Variants in ALK observed in about 807,000 individuals in gnomAD.
The protein encoded by ALK is ALK tyrosine kinase receptor.
A neutral mutation model predicts 163.1 loss-of-function variants in ALK; 74 were observed. The observed-to-expected ratio is 0.45, with a 90% confidence interval of 0.38 to 0.55. ALK has a LOEUF of 0.55. Among genes scored for constraint, ALK ranks in the 20% least tolerant of loss-of-function variants. The probability of loss-of-function intolerance (pLI) is 0.00; values close to 1 mark genes in which losing one functional copy is unlikely to be tolerated. For missense variants in ALK, 2,063 were observed against 2,105.3 expected (o/e 0.98, Z 0.39); for synonymous variants, 960 against 843.2 (o/e 1.14, Z -2.40).
intron 1 of ALK, among the ~76,000 whole-genome samples, chr2:29,721,027 C>T (rs1042134936): frequency 4.6e-5 from 7 of 152,070 alleles, no homozygotes; most frequent in Non-Finnish European, 1.0e-4. Context: ...CTTCTAGGTG[C>T]CCAAGTGAGG....
chr2:29,915,424 T>G (rs1470552001), intron 1 of ALK, among the ~76,000 whole-genome samples: 4 of 152,152 alleles, frequency 2.6e-5, no homozygotes, highest in African/African-American at 9.7e-5. Flanking sequence ...TTCACCATGT[T>G]GGCCAGGCTG....
chr2:29,592,178 C>G (rs1675080580), intron 3 of ALK, among the ~76,000 whole-genome samples: 1 of 152,134 alleles, frequency 6.6e-6, no homozygotes. Flanking sequence ...CCCAGAGCAC[C>G]TTTCTGCTCC....
chr2:29,367,538 G>T (rs1465166680), intron 5 of ALK, among the ~76,000 whole-genome samples: 1 of 152,200 alleles, frequency 6.6e-6, no homozygotes, highest in Non-Finnish European at 1.5e-5. Context: ...ACCCCAGGGG[G>T]CAAGAGAGGT....
intron 2 of ALK, among the ~76,000 whole-genome samples, chr2:29,703,875 T>A (rs1678819329): frequency 6.6e-6 from 1 of 152,156 alleles, no homozygotes; most frequent in African/African-American, 2.4e-5. Flanking sequence ...ACGCCACTGA[T>A]TAATGAGTCC....
intron 3 of ALK, among the ~76,000 whole-genome samples, chr2:29,619,454 C>T (rs1675964189): frequency 6.6e-6 from 1 of 152,222 alleles, no homozygotes; most frequent in African/African-American, 2.4e-5. Context: ...GAGCTCTCCT[C>T]TCCCTTCTCC....
At chr2:29,874,892 A>G (rs1217503948) in intron 1 of ALK, among the ~76,000 whole-genome samples, 1 of 152,102 alleles carries the variant, frequency 6.6e-6, no homozygotes, top group Non-Finnish European at 1.5e-5. Context: ...CCCTACCTGT[A>G]CTCAGCTCTT....
At chr2:29,263,387 A>G (rs1324133465) in intron 11 of ALK, among the ~76,000 whole-genome samples, 3 of 152,172 alleles carry the variant, frequency 2.0e-5, no homozygotes, top group Non-Finnish European at 4.4e-5. Flanking sequence ...TGAAATCTCT[A>G]CAAGGCCCTT....
At chr2:29,215,671 T>C (rs1669584255) in intron 23 of ALK, among the ~76,000 whole-genome samples, 1 of 139,228 alleles carries the variant, frequency 7.2e-6, no homozygotes, top group Non-Finnish European at 1.6e-5. Flanking sequence ...GGAGTTAAAA[T>C]GGAAGAGAGA....
At chr2:29,371,490 T>G (rs868187769) in intron 5 of ALK, among the ~76,000 whole-genome samples, 1 of 152,182 alleles carries the variant, frequency 6.6e-6, no homozygotes, top group African/African-American at 2.4e-5. Context: ...CTCCAGGATC[T>G]TCAGCTAAAG....
chr2:29,694,777 C>A (rs1678502242), intron 3 of ALK, 73 bp downstream of exon 3: 3 of 1,575,644 alleles, frequency 1.9e-6, no homozygotes, highest in Non-Finnish European at 2.6e-6. Flanking sequence ...GAAGTCTCAT[C>A]ATTTCAAACA....
At chr2:29,251,340 C>T (rs1664812035) in intron 11 of ALK, 73 bp from the exon 12 acceptor site, 2 of 1,492,848 alleles carry the variant, frequency 1.3e-6, no homozygotes, top group Non-Finnish European at 1.8e-6. Context: ...CCTGGGTGGC[C>T]TCTGAGATAT....
intron 1 of ALK, among the ~76,000 whole-genome samples, chr2:29,902,746 T>C (rs116718325): frequency 0.029 from 4,457 of 152,326 alleles, 115 homozygotes; most frequent in Non-Finnish European, 0.044. Flanking sequence ...TCTTTCATCC[T>C]GACTATTCCA....
rs575802408 is a variant in ALK, at chr2:29,410,125, C to A, written c.1155-26266G>T. 1.4e-4 allele frequency among the ~76,000 whole-genome samples: 22 copies of A among 152,210 alleles called. No individual in the cohort carries two copies. In the South Asian group the frequency reaches 3.3e-3, roughly 23 times the overall value. ...TTAGGTGATTTTGTCGTCATGGGAA[C>A]CTCATAGAGTGTACTTACACAAACC... On this transcript the variant is annotated intron_variant, in intron 4 of 28. Transcript: ENST00000389048.
At chr2:29,613,007 G>A (rs752661785) in intron 3 of ALK, among the ~76,000 whole-genome samples, 5 of 152,094 alleles carry the variant, frequency 3.3e-5, no homozygotes, top group Non-Finnish European at 7.4e-5. Context: ...CACCACGGGG[G>A]GTCTGAGTAC....
At chr2:29,614,374 G>A (rs1675782089) in intron 3 of ALK, among the ~76,000 whole-genome samples, 2 of 152,164 alleles carry the variant, frequency 1.3e-5, no homozygotes, top group Non-Finnish European at 2.9e-5. Flanking sequence ...TATTTCCAGT[G>A]CCTAGAACCA....
chr2:29,620,235 G>A (rs529156465), intron 3 of ALK, among the ~76,000 whole-genome samples: 73 of 152,244 alleles, frequency 4.8e-4, no homozygotes, highest in Admixed American at 2.4e-3. Context: ...AAATCAAGGT[G>A]GTGGTTCCTT....
chr2:29,456,278 T>G (rs1035772758), intron 4 of ALK, among the ~76,000 whole-genome samples: 4 of 152,166 alleles, frequency 2.6e-5, no homozygotes, highest in African/African-American at 7.2e-5. Context: ...CCCACGTTCA[T>G]GGCAGCCAAA....
At chr2:29,727,883 G>A (rs1679617626) in intron 1 of ALK, among the ~76,000 whole-genome samples, 2 of 152,134 alleles carry the variant, frequency 1.3e-5, no homozygotes, top group Non-Finnish European at 2.9e-5. Context: ...GGGCCATGAA[G>A]ACTATTTATC....
chr2:29,804,675 C>T (rs1426208215), intron 1 of ALK, among the ~76,000 whole-genome samples: 1 of 152,184 alleles, frequency 6.6e-6, no homozygotes, highest in Non-Finnish European at 1.5e-5. Flanking sequence ...GCCCATTAGT[C>T]CTAATTCTGA....
Sources: allele counts gnomAD v4.1 joint callset (sites outside exome capture counted in the v4.1 genomes callset), GRCh38; gene constraint gnomAD v4.1.1; transcripts MANE v1.5; gene names NCBI Gene and HGNC (gene_info 2026-07-23, HGNC 2026-07-21).